CFAP206: variants seen among roughly 807,000 people sequenced by gnomAD.
CFAP206 encodes the protein cilia- and flagella-associated protein 206.
A neutral mutation model predicts 65.4 loss-of-function variants in CFAP206; 53 were observed. The observed-to-expected ratio is 0.81, with a 90% CI of 0.65 to 1.02. The LOEUF (loss-of-function observed/expected upper bound fraction) is 1.02. Among genes scored for constraint, CFAP206 ranks in the 50% least tolerant of loss-of-function variants. CFAP206 has a pLI of 0.00. For missense variants in CFAP206, 663 were observed against 753.2 expected (o/e 0.88, Z 1.40); for synonymous variants, 250 against 254.4 (o/e 0.98, Z 0.17).
At chr6:87,435,297 T>C (rs1768241551) in intron 11 of CFAP206, 2 of 329,268 alleles carry the variant, frequency 6.1e-6, no homozygotes, top group East Asian at 1.3e-4. Context: ...CAGAACAACT[T>C]CATTGACTTA....
chr6:87,426,246 C>T (rs1304134036), intron 7 of CFAP206, among the ~76,000 whole-genome samples: 1 of 152,154 alleles, frequency 6.6e-6, no homozygotes, highest in Non-Finnish European at 1.5e-5. Flanking sequence ...GGATCCATTT[C>T]TCAAGAATGC....
intron 4 of CFAP206, among the ~76,000 whole-genome samples, chr6:87,414,623 T>C (rs1767793115): frequency 6.6e-6 from 1 of 152,134 alleles, no homozygotes; most frequent in African/African-American, 2.4e-5. Flanking sequence ...ATTTAATGCA[T>C]ACATCAAAGA....
intron 7 of CFAP206, among the ~76,000 whole-genome samples, chr6:87,423,288 G>A (rs1462142469): frequency 2.7e-5 from 4 of 146,626 alleles, no homozygotes; most frequent in Admixed American, 6.9e-5. Flanking sequence ...TCGCTCTGTC[G>A]CCCAGGCTGG....
intron 7 of CFAP206, 138 bp from the exon 8 acceptor site, chr6:87,426,388 G>A (rs1768043630): frequency 3.9e-6 from 2 of 506,384 alleles, no homozygotes; most frequent in Non-Finnish European, 6.8e-6. Context: ...TAGGTGTTGA[G>A]GATCTTGCGG....
chr6:87,426,589 G>T lies in CFAP206; in HGVS notation c.904G>T (p.Glu302Ter). The change falls in exon 8 of 13, where the codon GAA (glutamate) becomes TAA (stop). Residue 302 changes from glutamate to a stop codon, truncating the protein, a stop_gained. Transcript: ENST00000369562. LOFTEE classifies it high-confidence loss of function. Reference sequence around the variant, plus strand: ...GACAAAACAGTTAGGAGCCCATCTGGAACAACTAAAAATGACCATAAAATC... The same window carrying T: ...GACAAAACAGTTAGGAGCCCATCTGTAACAACTAAAAATGACCATAAAATC... ...MMTKQLGAHLEQLKMTIKSKI... is the reference protein window; with the variant it reads ...MMTKQLGAHL 1 of 1,601,472 alleles carries T rather than the reference G, an allele frequency of 6.2e-7. No individual in the cohort carries two copies. The highest frequency in any genetic ancestry group is 1.1e-5 in the South Asian group (1 of 88,700).
rs1176382155 is a variant in CFAP206, at chr6:87,413,881, T to C, written c.264T>C (p.Asp88=). 1.3e-6 allele frequency: 2 copies of C among 1,546,470 alleles called. No homozygotes were observed. The highest frequency in any genetic ancestry group is 1.7e-6 in the Non-Finnish European group (2 of 1,154,140). Residue 88 remains aspartate, a synonymous_variant, in exon 4 of 13, where the codon GAT becomes GAC. Transcript: ENST00000369562. ...LDTIKMQVYF[D]MNYTNRVEFL... ...CTATTAAGATGCAAGTCTACTTCGA[T>C]ATGAATTATACGAATCGAGGTAATG...
chr6:87,419,223 C>G (rs1767897372), intron 7 of CFAP206, among the ~76,000 whole-genome samples: 1 of 151,650 alleles, frequency 6.6e-6, no homozygotes, highest in Non-Finnish European at 1.5e-5. Flanking sequence ...GCCTCAGCTT[C>G]CCAAAGTGCT....
chr6:87,409,424 G>T (rs1438772441), intron 1 of CFAP206, among the ~76,000 whole-genome samples: 1 of 151,538 alleles, frequency 6.6e-6, no homozygotes, highest in Non-Finnish European at 1.5e-5. Flanking sequence ...AGTTGGTCAG[G>T]CTGGTCTCGA....
chr6:87,424,705 TC>T (rs571372491), intron 7 of CFAP206, among the ~76,000 whole-genome samples: 1 of 152,240 alleles, frequency 6.6e-6, no homozygotes, highest in Non-Finnish European at 1.5e-5. Flanking sequence ...GCGACTTTTT[TC>T]TGTTTAATTT....
intron 7 of CFAP206, among the ~76,000 whole-genome samples, chr6:87,423,206 A>T (rs1767976237): frequency 6.6e-6 from 1 of 151,522 alleles, no homozygotes. Flanking sequence ...GGCGTGAGCC[A>T]CTGCGCCCAG....
At chr6:87,434,051 G>T (rs1357925226) in intron 10 of CFAP206, among the ~76,000 whole-genome samples, 1 of 149,960 alleles carries the variant, frequency 6.7e-6, no homozygotes. Flanking sequence ...AGTGAGCTGA[G>T]ATCACACCAC....
rs181470860 is a variant in CFAP206, at chr6:87,444,029, G to A, written c.1494+8976G>A. Among the ~76,000 whole-genome samples the A allele has an allele frequency of 4.9e-3, 747 of 152,102 alleles. 3 individuals are homozygous for A. Among genetic ancestry groups the A allele is most frequent in the Non-Finnish European group, 8.4e-3 (571 of 68,002 alleles). ...TTAGCATTTCTTCTTTAGATTGTAG[G>A]TTATTTATGTCTGTTAGTTTACTCA... On this transcript the variant is annotated intron_variant, in intron 11 of 12. Transcript: ENST00000369562.
chr6:87,412,706 T>G (rs1201786368), intron 3 of CFAP206, among the ~76,000 whole-genome samples: 1 of 152,112 alleles, frequency 6.6e-6, no homozygotes, highest in Non-Finnish European at 1.5e-5. Flanking sequence ...TCCCCCAAGC[T>G]GGGGTGCGGT....
chr6:87,416,666 T>C lies in CFAP206; in HGVS notation c.473-3T>C. ...CCTTTTTTTTTTTTCTGGTTTATTT[T>C]AGCTGCTCTACAGAGTGTTTTTCCT... On this transcript the variant is annotated splice_region_variant and splice_polypyrimidine_tract_variant and intron_variant, in intron 5 of 12. Transcript: ENST00000369562. 1 of 1,572,644 alleles carries C rather than the reference T, an allele frequency of 6.4e-7. No individual in the cohort carries two copies. Among genetic ancestry groups the C allele is most frequent in the Non-Finnish European group, 8.6e-7 (1 of 1,162,992 alleles).
At chr6:87,444,209 C>T (rs536343247) in intron 11 of CFAP206, among the ~76,000 whole-genome samples, 7 of 152,146 alleles carry the variant, frequency 4.6e-5, no homozygotes, top group Non-Finnish European at 7.4e-5. Context: ...TGAATGGATA[C>T]GCTAATGGCA....
In CFAP206 at chr6:87,415,814, G is replaced by T; in HGVS notation, c.412G>T (p.Val138Leu). 1.9e-6 allele frequency: 3 copies of T among 1,613,026 alleles called. No individual in the cohort carries two copies. The highest frequency in any genetic ancestry group is 2.5e-6 in the Non-Finnish European group (3 of 1,179,470). ...CCTCTACCGGAAGATTATCAGCTAT[G>T]TGTTACTCCGCTCTGGCCTTGGATC... ...ESLYRKIISY[V>L]LLRSGLGSPT... Residue 138 changes from valine (V) to leucine (L), a missense_variant, in exon 5 of 13, where the codon GTG becomes TTG. Val to Leu is a conservative substitution (Grantham distance 32). Coordinates refer to ENST00000369562, the MANE Select transcript of CFAP206 (RefSeq NM_001031743.3).
At chr6:87,463,798 A>T (rs1447185496) in intron 12 of CFAP206, among the ~76,000 whole-genome samples, 1 of 152,072 alleles carries the variant, frequency 6.6e-6, no homozygotes, top group Non-Finnish European at 1.5e-5. Context: ...TTTGAGGTCA[A>T]TTTTCAACAT....
intron 11 of CFAP206, among the ~76,000 whole-genome samples, chr6:87,445,504 G>A (rs1244916809): frequency 1.3e-5 from 2 of 151,994 alleles, no homozygotes; most frequent in African/African-American, 4.8e-5. Flanking sequence ...ATGCCTTCCA[G>A]CCCCATCCAT....
At chr6:87,442,392 G>A (rs576226170) in intron 11 of CFAP206, among the ~76,000 whole-genome samples, 1 of 152,196 alleles carries the variant, frequency 6.6e-6, no homozygotes, top group Admixed American at 6.5e-5. Context: ...TCAGTCTCCT[G>A]TAGTCTGTTG....
Sources: allele counts gnomAD v4.1 joint callset (sites outside exome capture counted in the v4.1 genomes callset), GRCh38; gene constraint gnomAD v4.1.1; transcripts MANE v1.5; gene names NCBI Gene and HGNC (gene_info 2026-07-23, HGNC 2026-07-21).